The following GOLGA1 variants were observed in gnomAD, a reference collection of about 807,000 sequenced individuals.
GOLGA1 encodes the protein golgin A1.
In GOLGA1, 63 loss-of-function variants were observed where a neutral mutation model predicts 119.7. The observed-to-expected ratio is 0.53, with a 90% CI of 0.43 to 0.65. The LOEUF is 0.65. Ranked by LOEUF, GOLGA1 falls within the 30% of genes least tolerant of loss-of-function variation. The pLI is 0.00. For synonymous variants in GOLGA1, 318 were observed against 333.4 expected (o/e 0.95, Z 0.50); for missense variants, 798 against 912.8 (o/e 0.87, Z 1.62).
At chr9:124,929,999 G>A (rs1564344144) in intron 4 of GOLGA1, among the ~76,000 whole-genome samples, 1 of 152,116 alleles carries the variant, frequency 6.6e-6, no homozygotes, top group African/African-American at 2.4e-5. Flanking sequence ...GATATTAATT[G>A]TACCTACCAC....
chr9:124,917,504 A>G (rs1324767417), intron 10 of GOLGA1, among the ~76,000 whole-genome samples: 2 of 152,124 alleles, frequency 1.3e-5, no homozygotes, highest in Admixed American at 1.3e-4. Flanking sequence ...AAGTCTGTCA[A>G]TCTCTTCAAT....
At chr9:124,941,622 G>A (rs1264702915), upstream of GOLGA1, among the ~76,000 whole-genome samples, 1 of 152,240 alleles carries the variant, frequency 6.6e-6, no homozygotes, top group African/African-American at 2.4e-5. Context: ...TTTGGCGCCT[G>A]TCACCTACTG....
intron 15 of GOLGA1, among the ~76,000 whole-genome samples, chr9:124,894,170 G>A (rs932855111): frequency 6.6e-6 from 1 of 152,098 alleles, no homozygotes; most frequent in Non-Finnish European, 1.5e-5. Flanking sequence ...TGTACTTCCA[G>A]AGCCCCACAT....
Position 124,889,135 on chromosome 9 carries a change from G to A in GOLGA1, c.1761+8C>T. The A allele has an allele frequency of 1.2e-6, 2 of 1,601,638 alleles. No individual in the cohort carries two copies. Among genetic ancestry groups the A allele is most frequent in the Non-Finnish European group, 1.7e-6 (2 of 1,173,096 alleles). On this transcript the variant is annotated splice_region_variant and intron_variant, in intron 18 of 22. Transcript: ENST00000373555. ...TGTAGCACCCATGCAGGTGCAGCTGGGACTTACGTGCGACTCATTGACTGA... is the reference window on the plus strand; with the variant it reads ...TGTAGCACCCATGCAGGTGCAGCTGAGACTTACGTGCGACTCATTGACTGA...
intron 14 of GOLGA1, 31 bp from the exon 15 acceptor site, chr9:124,898,675 A>C (rs1167526379): frequency 7.9e-7 from 1 of 1,261,616 alleles, no homozygotes; most frequent in Non-Finnish European, 1.2e-6. Context: ...ATATAAAAGA[A>C]GTCTTCACTA....
intron 11 of GOLGA1, among the ~76,000 whole-genome samples, chr9:124,908,862 T>C (rs555148348): frequency 3.9e-5 from 6 of 152,344 alleles, no homozygotes; most frequent in Admixed American, 2.0e-4. Context: ...GCCTGCTACG[T>C]TGAGGGAACT....
chr9:124,929,670 C>G (rs1251019511), intron 4 of GOLGA1, among the ~76,000 whole-genome samples: 1 of 152,160 alleles, frequency 6.6e-6, no homozygotes, highest in African/African-American at 2.4e-5. Flanking sequence ...TCAAAGTGAA[C>G]TCACTAAACA....
rs1564347765 is a variant in GOLGA1 at position 124,938,647 on chromosome 9, G to A, written c.65C>T (p.Ala22Val). The A allele has an allele frequency of 6.2e-7, 1 of 1,613,058 alleles. No homozygotes were observed. Among genetic ancestry groups the A allele is most frequent in the Non-Finnish European group, 8.5e-7 (1 of 1,179,104 alleles). ...ETAVAQRPGG[A>V]TRIPRSVSKE... is the part of the protein sequence containing the mutation. ...GCTCACAGACCGTGGGATCCTAGTA[G>A]CACCTCCTGGCCTCTGAGCAACAGC... Residue 22 changes from alanine to valine, a missense_variant, in exon 3 of 23, where the codon GCT becomes GTT. Physicochemically the swap from Ala to Val is moderately conservative, Grantham distance 64 (BLOSUM62 0). Transcript: ENST00000373555.
At chr9:124,902,355 G>T (rs373977490) in intron 12 of GOLGA1, among the ~76,000 whole-genome samples, 8 of 151,694 alleles carry the variant, frequency 5.3e-5, no homozygotes, top group Non-Finnish European at 1.0e-4. Context: ...CTCATGATCC[G>T]CCTGCCTTGG....
chr9:124,939,568 T>C (rs1401215523), intron 2 of GOLGA1, among the ~76,000 whole-genome samples: 2 of 135,014 alleles, frequency 1.5e-5, no homozygotes, highest in South Asian at 2.5e-4. Flanking sequence ...TTTTTTTTTT[T>C]TTTTTTTTTT....
At position 124,921,946 on chromosome 9, in the gene GOLGA1, G is replaced by C. The variant is rs76284028; in HGVS notation, c.562-54C>G. 110 of 1,451,886 alleles carry C rather than the reference G, an allele frequency of 7.6e-5. 1 individual carries two copies. The East Asian group carries it at 2.4e-3, about 31-fold the overall frequency. 89.9% of individuals were successfully genotyped at this position (1,451,886 alleles called of 1,614,324 possible). A position where few individuals can be genotyped will look rare whatever the true frequency, so the allele number is the denominator to read the frequency against. On this transcript the variant is annotated intron_variant, in intron 8 of 22. Transcript: ENST00000373555. ...GCTATGCTAAGAAAAATACACTTAA[G>C]ATCAGGCATGCTGGCTCACGCCTGT...
intron 15 of GOLGA1, among the ~76,000 whole-genome samples, chr9:124,893,878 A>G (rs1450691253): frequency 2.0e-5 from 3 of 152,194 alleles, no homozygotes; most frequent in Admixed American, 2.0e-4. Flanking sequence ...TCCTACAAGC[A>G]GATGTTCTCT....
In GOLGA1 at chr9:124,929,201, G is replaced by GA. The variant is rs770510841; in HGVS notation, c.301+14dup. ...ACCTTGAAAAGATTGAAAAAAGCAG[G>GA]AAAAAAATACGTACAATCCTGGTGT... is the stretch of plus-strand genomic sequence containing the variant. On this transcript the variant is annotated intron_variant, in intron 5 of 22. Coordinates refer to ENST00000373555, the MANE Select transcript of GOLGA1 (RefSeq NM_002077.4). 12 of 1,521,072 alleles carry GA rather than the reference G, an allele frequency of 7.9e-6. No homozygotes were observed. Among genetic ancestry groups the GA allele is most frequent in the Non-Finnish European group, 1.1e-5 (12 of 1,095,752 alleles). The allele number at this position is 1,521,072 out of a possible 1,614,324, so 94.2% of individuals were successfully genotyped here.
Position 124,921,704 on chromosome 9 carries a change from C to T in GOLGA1, c.731+19G>A. 1 of 1,603,174 alleles carries T rather than the reference C, an allele frequency of 6.2e-7. No individual in the cohort carries two copies. The highest frequency in any genetic ancestry group is 8.5e-7 in the Non-Finnish European group (1 of 1,172,294). ...ACACTAACACCTCTTCCCAAGGGCC[C>T]CACAGACCAAGCAAGAACCTCTGCT... On this transcript the variant is annotated intron_variant, in intron 9 of 22. Transcript: ENST00000373555.
chr9:124,945,808 C>G (rs1393915473), upstream of GOLGA1: 1 of 152,062 alleles, frequency 6.6e-6, no homozygotes, highest in African/African-American at 2.4e-5. Flanking sequence ...CTCAGTGAAG[C>G]TGGAACATAG....
At chr9:124,899,747 C>G (rs1443787414) in intron 13 of GOLGA1, among the ~76,000 whole-genome samples, 1 of 152,214 alleles carries the variant, frequency 6.6e-6, no homozygotes, top group East Asian at 1.9e-4. Flanking sequence ...AGACACAGGC[C>G]TCCTTCACAC....
In GOLGA1 at chr9:124,880,575, G is replaced by A. The variant is rs768993059; in HGVS notation, c.2259C>T (p.Gly753=). 1.9e-6 allele frequency: 3 copies of A among 1,610,896 alleles called. No individual in the cohort carries two copies. In the South Asian group the frequency reaches 3.3e-5, roughly 18 times the overall value. Residue 753 remains glycine (G), a synonymous_variant, in exon 23 of 23, where the codon GGC becomes GGT. Transcript: ENST00000373555. The part of the protein sequence containing the change: ...SWFGSKPAPK[G]SIRPSISNPR... ...GGTTTGAGATAGACGGCCGGATGCT[G>A]CCCTTGGGAGCTGGTTTGGACCCAA... is the stretch of plus-strand genomic sequence containing the variant.
chr9:124,912,265 A>T (rs1179273520), intron 10 of GOLGA1, among the ~76,000 whole-genome samples: 1 of 152,186 alleles, frequency 6.6e-6, no homozygotes, highest in Non-Finnish European at 1.5e-5. Flanking sequence ...CCAATTAAAC[A>T]ACTGACAGTC....
In GOLGA1 at chr9:124,878,521, A is replaced by G. The variant is rs1387935555; in HGVS notation, c.*2009T>C. Reference sequence around the variant, plus strand: ...AAGGGCTATAGATACCGTCGCTAACACAGAAAGTTTTATACAAGTCAAAGT... The same window carrying G: ...AAGGGCTATAGATACCGTCGCTAACGCAGAAAGTTTTATACAAGTCAAAGT... On this transcript the variant is annotated 3_prime_UTR_variant, in exon 23 of 23. Transcript: ENST00000373555. The G allele has an allele frequency of 1.3e-5, 2 of 152,664 alleles. No homozygotes were observed. The highest frequency in any genetic ancestry group is 4.8e-5 in the African/African-American group (2 of 41,458). 9.5% of individuals were successfully genotyped at this position (152,664 alleles called of 1,614,324 possible). A position where few individuals can be genotyped will look rare whatever the true frequency, so the allele number is the denominator to read the frequency against.
Sources: allele counts gnomAD v4.1 joint callset (sites outside exome capture counted in the v4.1 genomes callset), GRCh38; gene constraint gnomAD v4.1.1; transcripts MANE v1.5; gene names NCBI Gene and HGNC (gene_info 2026-07-23, HGNC 2026-07-21).